DLEC1: variants seen among roughly 807,000 people sequenced by gnomAD.
DLEC1 encodes the protein deleted in lung and esophageal cancer protein 1.
A neutral mutation model predicts 198.1 loss-of-function variants in DLEC1; 146 were observed. The ratio of observed to expected loss-of-function variants is 0.74; its 90% CI spans 0.64 to 0.85. DLEC1 has a LOEUF of 0.85. DLEC1 is among the 40% of genes least tolerant of loss of function. The probability of loss-of-function intolerance (pLI) is 0.00; values close to 1 mark genes in which losing one functional copy is unlikely to be tolerated. For missense variants in DLEC1, 2,233 were observed against 2,220.0 expected (o/e 1.01, Z -0.12); for synonymous variants, 897 against 866.8 (o/e 1.03, Z -0.61).
intron 12 of DLEC1, among the ~76,000 whole-genome samples, chr3:38,094,568 C>G (rs1032537500): frequency 2.0e-5 from 3 of 152,318 alleles, no homozygotes; most frequent in Non-Finnish European, 4.4e-5. Context: ...ATAGCCTCTT[C>G]CACTTTAATG....
chr3:38,117,268 A>C lies in DLEC1; in HGVS notation c.4366A>C (p.Lys1456Gln), dbSNP rs1315118470. ...RLQDFAVGPL[K>Q]LDLHSYVRPA... ...GCAGGACTTTGCGGTGGGACCCCTG[A>C]AACTGGACCTGCATAGCTACGTGAG... The change falls in exon 31 of 37, where the codon AAA (lysine) becomes CAA (glutamine). Residue 1456 changes from lysine (K) to glutamine (Q), a missense_variant. By Grantham distance (53) the Lys-to-Gln change is moderately conservative (BLOSUM62 1). Coordinates refer to ENST00000308059, the MANE Select transcript of DLEC1 (RefSeq NM_007335.4). 3.7e-6 allele frequency: 6 copies of C among 1,614,024 alleles called. No homozygotes were observed. The highest frequency in any genetic ancestry group is 5.1e-6 in the Non-Finnish European group (6 of 1,180,000).
intron 6 of DLEC1, among the ~76,000 whole-genome samples, chr3:38,076,184 T>C (rs1398341154): frequency 6.6e-6 from 1 of 151,890 alleles, no homozygotes; most frequent in Non-Finnish European, 1.5e-5. Context: ...TGAGGGATAG[T>C]GAGGGAGGTT....
intron 2 of DLEC1, among the ~76,000 whole-genome samples, chr3:38,059,398 A>T (rs1696559892): frequency 6.6e-6 from 1 of 152,262 alleles, no homozygotes; most frequent in African/African-American, 2.4e-5. Context: ...CTCTAGTAGC[A>T]GGCACTGCAA....
At position 38,116,497 on chromosome 3, in the gene DLEC1, G is replaced by C; in HGVS notation, c.3901G>C (p.Asp1301His). 6.2e-7 allele frequency: 1 copy of C among 1,614,140 alleles called. No individual in the cohort carries two copies. The highest frequency in any genetic ancestry group is 2.2e-5 in the East Asian group (1 of 44,868). ...GACCTATGTTCCAGAAGACAAGGAAGACCGGCTGGTGGAGCTGCTGGTGTT... is the reference window on the plus strand; with the variant it reads ...GACCTATGTTCCAGAAGACAAGGAACACCGGCTGGTGGAGCTGCTGGTGTT... ...WETYVPEDKE[D>H]RLVELLVFYG... is the part of the protein sequence containing the mutation. Residue 1301 changes from aspartate (D) to histidine (H), a missense_variant, in exon 28 of 37, where the codon GAC becomes CAC. Physicochemically the swap from Asp to His is moderately conservative, Grantham distance 81. Transcript: ENST00000308059.
At chr3:38,042,206 T>C (rs950406493) in intron 1 of DLEC1, among the ~76,000 whole-genome samples, 1 of 152,122 alleles carries the variant, frequency 6.6e-6, no homozygotes. Context: ...TTGGCCAGGC[T>C]GGTCTCCAAC....
At chr3:38,064,652 T>A (rs1041676587) in intron 6 of DLEC1, among the ~76,000 whole-genome samples, 5 of 147,006 alleles carry the variant, frequency 3.4e-5, no homozygotes, top group African/African-American at 1.3e-4. Flanking sequence ...GCCCCCCACC[T>A]CCCGGACGGG....
At chr3:38,064,578 C>T (rs1388955053) in intron 6 of DLEC1, among the ~76,000 whole-genome samples, 23 of 149,816 alleles carry the variant, frequency 1.5e-4, no homozygotes, top group African/African-American at 2.2e-4. Flanking sequence ...ACTTCCCGGA[C>T]GGGGCGGCCG....
chr3:38,090,978 A>G (rs1204738863), intron 10 of DLEC1, among the ~76,000 whole-genome samples: 1 of 152,364 alleles, frequency 6.6e-6, no homozygotes, highest in African/African-American at 2.4e-5. Flanking sequence ...AACAAAATCA[A>G]GACAAAATAT....
intron 2 of DLEC1, among the ~76,000 whole-genome samples, chr3:38,059,249 C>A (rs1245024774): frequency 1.3e-5 from 2 of 152,172 alleles, no homozygotes; most frequent in African/African-American, 2.4e-5. Context: ...GATGAAGGGA[C>A]AGGGAAGCTC....
At chr3:38,109,584 T>TG (rs1699754512) in intron 22 of DLEC1, 22 bp downstream of exon 22, 1 of 1,613,644 alleles carries the variant, frequency 6.2e-7, no homozygotes, top group African/African-American at 1.3e-5. Context: ...GTTGGTGGTC[T>TG]GGGGGTGGCA....
intron 2 of DLEC1, among the ~76,000 whole-genome samples, chr3:38,049,551 C>G (rs1701017226): frequency 6.6e-6 from 1 of 152,194 alleles, no homozygotes; most frequent in African/African-American, 2.4e-5. Context: ...TCCAAGACCT[C>G]GCAGAGCCAT....
Position 38,123,050 on chromosome 3 carries a change from G to T in DLEC1, c.*638G>T. The T allele has an allele frequency of 1.2e-6, 2 of 1,614,118 alleles. No homozygotes were observed. The highest frequency in any genetic ancestry group is 1.7e-6 in the Non-Finnish European group (2 of 1,179,996). On this transcript the variant is annotated 3_prime_UTR_variant, in exon 37 of 37. Transcript: ENST00000308059. ...CGCCTCCAGCCTGGGACCTCACTCA[G>T]TTCCCAGGGTATTCAAAGACGGCAG...
chr3:38,120,383 C>T, intron 33 of DLEC1, 65 bp from the exon 34 acceptor site: 1 of 1,574,344 alleles, frequency 6.4e-7, no homozygotes, highest in Non-Finnish European at 8.7e-7. Context: ...GGATGGAGCT[C>T]CAGGTGGGGA....
chr3:38,081,852 C>T (rs1216859055), intron 6 of DLEC1, among the ~76,000 whole-genome samples: 6,338 of 141,652 alleles, frequency 0.045, 10 homozygotes, highest in Middle Eastern at 0.059. Flanking sequence ...GCTGACCCCC[C>T]CACCTCCCTC....
At chr3:38,060,401 C>T (rs1411823368) in intron 3 of DLEC1, among the ~76,000 whole-genome samples, 1 of 151,948 alleles carries the variant, frequency 6.6e-6, no homozygotes, top group Non-Finnish European at 1.5e-5. Flanking sequence ...GCGAGTTAGA[C>T]TTATGGAAGA....
intron 11 of DLEC1, among the ~76,000 whole-genome samples, chr3:38,093,122 G>A (rs1249074479): frequency 6.6e-6 from 1 of 152,216 alleles, no homozygotes; most frequent in Non-Finnish European, 1.5e-5. Flanking sequence ...GCAAGAGACA[G>A]CTGGAAACCT....
intron 20 of DLEC1, 137 bp downstream of exon 20, chr3:38,107,874 G>A (rs967208624): frequency 4.9e-6 from 5 of 1,022,370 alleles, no homozygotes; most frequent in Admixed American, 2.8e-5. Flanking sequence ...TCCCTTGCTC[G>A]TAGTGTGCAT....
At chr3:38,047,584 G>A (rs2125580646) in intron 2 of DLEC1, among the ~76,000 whole-genome samples, 1 of 152,268 alleles carries the variant, frequency 6.6e-6, no homozygotes, top group Admixed American at 6.5e-5. Flanking sequence ...ACTGATATCA[G>A]CATCATGGTG....
chr3:38,089,928 T>C (rs751884776), intron 10 of DLEC1, among the ~76,000 whole-genome samples: 22 of 152,210 alleles, frequency 1.4e-4, no homozygotes, highest in Non-Finnish European at 2.9e-4. Context: ...TCTGTACTCC[T>C]AGCACTTTGG....
Sources: gnomAD v4.1 joint callset for allele counts (sites outside exome capture counted in the v4.1 genomes callset) on GRCh38, gnomAD v4.1.1 for gene constraint, MANE v1.5 for transcripts, NCBI Gene and HGNC (gene_info 2026-07-23, HGNC 2026-07-21) for gene names.